SLC22A9: variants seen among roughly 807,000 people sequenced by gnomAD.
SLC22A9 encodes solute carrier family 22 member 9.
Under a neutral mutation model 50.1 loss-of-function variants are expected in SLC22A9, and 64 were observed. The observed-to-expected ratio is 1.28, with a 90% confidence interval of 1.04 to 1.57. The LOEUF is 1.57. Among genes scored for constraint, SLC22A9 ranks in the 40% most tolerant of loss-of-function variants. The pLI is 0.00. For synonymous variants in SLC22A9, 261 were observed against 242.5 expected (o/e 1.08, Z -0.71); for missense variants, 757 against 676.1 (o/e 1.12, Z -1.33).
chr11:63,382,571 T>C (rs2119908716), intron 6 of SLC22A9, among the ~76,000 whole-genome samples: 1 of 152,278 alleles, frequency 6.6e-6, no homozygotes. Flanking sequence ...TTAACGTGTT[T>C]GTTTCCAGTT....
At chr11:63,405,956 A>C (rs2120019916) in intron 6 of SLC22A9, among the ~76,000 whole-genome samples, 2 of 152,320 alleles carry the variant, frequency 1.3e-5, no homozygotes, top group East Asian at 3.9e-4. Flanking sequence ...ATTTTACGAT[A>C]ATTTAAAAAT....
At chr11:63,397,407 C>G (rs2014878121) in intron 6 of SLC22A9, among the ~76,000 whole-genome samples, 1 of 152,142 alleles carries the variant, frequency 6.6e-6, no homozygotes, top group Admixed American at 6.5e-5. Context: ...GCCCAAGGCC[C>G]TAGGGCTCTA....
intron 5 of SLC22A9, 45 bp from the exon 6 acceptor site, chr11:63,382,114 C>A: frequency 6.6e-7 from 1 of 1,506,898 alleles, no homozygotes; most frequent in Non-Finnish European, 9.1e-7. Context: ...AGTGCCTACT[C>A]TTTTCTGACA....
intron 5 of SLC22A9, among the ~76,000 whole-genome samples, chr11:63,378,472 G>A (rs1270126512): frequency 2.0e-5 from 3 of 152,000 alleles, no homozygotes; most frequent in Admixed American, 1.3e-4. Flanking sequence ...GCAAGACAAG[G>A]ATGTCCACAC....
Position 63,371,226 on chromosome 11 carries a change from A to T in SLC22A9, c.494A>T (p.His165Leu). ...ATGGTGGGAGGCATCCTAGGCGGTC[A>T]TTTATCAGACAGGTGAGTGTGTATG... ...GMMVGGILGG[H>L]LSDRFGRRFV... Residue 165 changes from histidine (H) to leucine (L), a missense_variant, in exon 2 of 10, where the codon CAT (histidine) becomes CTT (leucine). Physicochemically the swap from His to Leu is moderately conservative, Grantham distance 99. Coordinates refer to ENST00000279178, the MANE Select transcript of SLC22A9 (RefSeq NM_080866.3). The T allele has an allele frequency of 6.2e-7, 1 of 1,612,640 alleles. No individual in the cohort carries two copies. The highest frequency in any genetic ancestry group is 8.5e-7 in the Non-Finnish European group (1 of 1,178,946).
At chr11:63,373,265 T>C (rs1391293479) in intron 2 of SLC22A9, among the ~76,000 whole-genome samples, 4 of 152,082 alleles carry the variant, frequency 2.6e-5, no homozygotes, top group African/African-American at 9.7e-5. Context: ...AGATGTCTTA[T>C]AGGCTATGCC....
intron 2 of SLC22A9, 33 bp from the exon 3 acceptor site, chr11:63,373,611 G>T (rs2014403206): frequency 6.7e-7 from 1 of 1,485,194 alleles, no homozygotes; most frequent in Non-Finnish European, 8.9e-7. Flanking sequence ...TGTTGTTATT[G>T]TTCCCATTAT....
At position 63,382,267 on chromosome 11, in the gene SLC22A9, T is replaced by C. The variant is rs1192570675; in HGVS notation, c.1063T>C (p.Ser355Pro). The change falls in exon 6 of 10, where the codon TCC becomes CCC. Residue 355 changes from serine to proline, a missense_variant. Coordinates refer to ENST00000279178, the MANE Select transcript of SLC22A9 (RefSeq NM_080866.3). ...PNICKRISLL[S>P]FTRFANFMAY... ...CATATGTAAAAGGATCTCCCTCCTG[T>C]CCTTTACGAGGTAAGCTTCATGCAG... 1.2e-6 allele frequency: 2 copies of C among 1,605,618 alleles called. No individual in the cohort carries two copies. The highest frequency in any genetic ancestry group is 1.7e-4 in the Middle Eastern group (1 of 6,014).
chr11:63,390,411 A>G (rs1342647512), intron 6 of SLC22A9, among the ~76,000 whole-genome samples: 1 of 152,158 alleles, frequency 6.6e-6, no homozygotes, highest in African/African-American at 2.4e-5. Flanking sequence ...CAGTTTTTCC[A>G]GCACCATTTA....
chr11:63,406,724 C>A lies in SLC22A9; in HGVS notation c.1288+13C>A, dbSNP rs770276614. 6.2e-7 allele frequency: 1 copy of A among 1,612,032 alleles called. No individual in the cohort carries two copies. Among genetic ancestry groups the A allele is most frequent in the South Asian group, 1.1e-5 (1 of 90,900 alleles). On this transcript the variant is annotated intron_variant, in intron 7 of 9. Coordinates refer to ENST00000279178, the MANE Select transcript of SLC22A9 (RefSeq NM_080866.3). ...TTTGTGCCACAAGGTGAGAAAAGAT[C>A]ACAGGTGGAAGAGAGAAATGCCTTT...
chr11:63,410,035 T>G lies in SLC22A9; in HGVS notation c.*173T>G. The G allele has an allele frequency of 1.7e-6, 1 of 573,944 alleles. No individual in the cohort carries two copies. The highest frequency in any genetic ancestry group is 3.0e-6 in the Non-Finnish European group (1 of 333,334). 35.6% of individuals were successfully genotyped at this position (573,944 alleles called of 1,614,324 possible). A position where few individuals can be genotyped will look rare whatever the true frequency, so the allele number is the denominator to read the frequency against. On this transcript the variant is annotated 3_prime_UTR_variant, in exon 10 of 10. Coordinates refer to ENST00000279178, the MANE Select transcript of SLC22A9 (RefSeq NM_080866.3). ...GCGGGCAGATCATGAGGTCAGAAGA[T>G]AAAGACCACCCTGGCCAACATGGTG... is the stretch of plus-strand genomic sequence containing the variant.
chr11:63,379,995 G>A (rs1473428776), intron 5 of SLC22A9, among the ~76,000 whole-genome samples: 1 of 152,042 alleles, frequency 6.6e-6, no homozygotes, highest in Non-Finnish European at 1.5e-5. Context: ...GCCTCCCAAA[G>A]TGCTGGGATT....
intron 9 of SLC22A9, 99 bp from the exon 10 acceptor site, chr11:63,409,703 C>A: frequency 8.1e-7 from 1 of 1,242,140 alleles, no homozygotes; most frequent in Non-Finnish European, 1.1e-6. Context: ...AACTAATGGA[C>A]AAAGAATCAA....
chr11:63,373,410 T>C (rs928984191), intron 2 of SLC22A9, among the ~76,000 whole-genome samples: 7 of 152,146 alleles, frequency 4.6e-5, no homozygotes, highest in African/African-American at 1.7e-4. Flanking sequence ...TTTCAATTGG[T>C]GTCAAAAATA....
intron 7 of SLC22A9, 46 bp from the exon 8 acceptor site, chr11:63,408,066 C>T (rs759134342): frequency 1.7e-5 from 25 of 1,482,968 alleles, no homozygotes; most frequent in Admixed American, 1.4e-4. Context: ...GATGCTGATT[C>T]CTTCAGCTCA....
chr11:63,389,688 T>C (rs1279872733), intron 6 of SLC22A9, among the ~76,000 whole-genome samples: 2 of 152,206 alleles, frequency 1.3e-5, no homozygotes, highest in East Asian at 3.8e-4. Context: ...ATCCTTTGGG[T>C]ACATACCCAG....
At chr11:63,372,279 T>C (rs892422519) in intron 2 of SLC22A9, among the ~76,000 whole-genome samples, 1 of 152,082 alleles carries the variant, frequency 6.6e-6, no homozygotes, top group Non-Finnish European at 1.5e-5. Flanking sequence ...TCAAACTGAT[T>C]GTTTTGGAAT....
At chr11:63,405,948 T>C (rs928049706) in intron 6 of SLC22A9, among the ~76,000 whole-genome samples, 40 of 152,296 alleles carry the variant, frequency 2.6e-4, no homozygotes, top group Non-Finnish European at 2.6e-4. Context: ...TTACCATCAT[T>C]TTACGATAAT....
chr11:63,395,793 T>G (rs889856004), intron 6 of SLC22A9, among the ~76,000 whole-genome samples: 5 of 152,140 alleles, frequency 3.3e-5, no homozygotes, highest in Admixed American at 3.3e-4. Context: ...GCCTTTTGTC[T>G]TCAGAAGTTG....
Sources: allele counts gnomAD v4.1 joint callset (sites outside exome capture counted in the v4.1 genomes callset), GRCh38; gene constraint gnomAD v4.1.1; transcripts MANE v1.5; gene names NCBI Gene and HGNC (gene_info 2026-07-23, HGNC 2026-07-21).